Variants in PTPRN2 observed in about 807,000 individuals in gnomAD.
PTPRN2 encodes protein tyrosine phosphatase receptor type N2.
PTPRN2 carries 74 observed loss-of-function variants against 118.8 expected under a neutral mutation model. The ratio of observed to expected loss-of-function variants is 0.62; its 90% CI spans 0.52 to 0.76. The LOEUF (loss-of-function observed/expected upper bound fraction) is 0.76. Among genes scored for constraint, PTPRN2 ranks in the 30% least tolerant of loss-of-function variants. The probability of loss-of-function intolerance (pLI) is 0.00; values close to 1 mark genes in which losing one functional copy is unlikely to be tolerated. For missense variants in PTPRN2, 1,481 were observed against 1,394.4 expected, an observed-to-expected ratio of 1.06 and a Z score of -0.99; for synonymous variants, 641 against 608.0, an observed-to-expected ratio of 1.05 and a Z score of -0.80.
chr7:157,549,366 T>C (rs920838679), intron 21 of PTPRN2, among the ~76,000 whole-genome samples: 1 of 151,440 alleles, frequency 6.6e-6, no homozygotes, highest in Non-Finnish European at 1.5e-5. Flanking sequence ...TAGTACCTCA[T>C]AGGGAGCCAT....
chr7:157,564,769 C>T (rs1414153016), intron 21 of PTPRN2, among the ~76,000 whole-genome samples: 1 of 152,264 alleles, frequency 6.6e-6, no homozygotes, highest in African/African-American at 2.4e-5. Context: ...TGTAATCAAA[C>T]AGCCAAGAGA....
intron 15 of PTPRN2, 43 bp from the exon 16 acceptor site, chr7:157,604,118 C>T (rs1477430086): frequency 6.3e-7 from 1 of 1,592,058 alleles, no homozygotes; most frequent in African/African-American, 1.3e-5. Flanking sequence ...ATTGGCCCAC[C>T]CAGCAGTGTG....
In PTPRN2 at chr7:157,965,364, C is replaced by T. The variant is rs145907966; in HGVS notation, c.1724-66627G>A. On this transcript the variant is annotated intron_variant, in intron 11 of 22. Coordinates refer to ENST00000389418, the MANE Select transcript of PTPRN2 (RefSeq NM_002847.5). ...CACATAAAGAGACGGTGCCCCTCAC[C>T]AGGGTTCCTGGCTTGGACTGGACAG... Among the ~76,000 whole-genome samples the T allele has an allele frequency of 6.0e-3, 908 of 152,278 alleles. 6 individuals carry two copies. Among genetic ancestry groups the T allele is most frequent in the Middle Eastern group, 0.017 (5 of 294 alleles).
chr7:158,480,271 G>A (rs1357109994), intron 2 of PTPRN2, among the ~76,000 whole-genome samples: 2 of 152,140 alleles, frequency 1.3e-5, no homozygotes, highest in Admixed American at 6.5e-5. Flanking sequence ...CCTGAGCTGT[G>A]ATCCGTGATC....
At chr7:158,578,415 G>C (rs1015441612) in intron 1 of PTPRN2, among the ~76,000 whole-genome samples, 2 of 151,130 alleles carry the variant, frequency 1.3e-5, no homozygotes, top group Non-Finnish European at 2.9e-5. Context: ...CATACCTGTA[G>C]TATCAGCTAC....
chr7:158,384,333 C>T (rs890207671), intron 2 of PTPRN2, among the ~76,000 whole-genome samples: 2 of 152,306 alleles, frequency 1.3e-5, no homozygotes, highest in East Asian at 3.9e-4. Flanking sequence ...GAGCACAACA[C>T]AGGGCAGAAG....
chr7:157,818,220 G>A (rs1408834395), intron 12 of PTPRN2, among the ~76,000 whole-genome samples: 4 of 152,002 alleles, frequency 2.6e-5, no homozygotes, highest in Non-Finnish European at 5.9e-5. Flanking sequence ...GTGTTTGCAT[G>A]CATGTGTATG....
chr7:158,270,841 T>TCCACCTGGGCCGCCCCC (rs1161533613), intron 3 of PTPRN2, among the ~76,000 whole-genome samples: 2 of 4,588 alleles, frequency 4.4e-4, no homozygotes. Context: ...GATGACCCCC[T>TCCACCTGGGCCGCCCCC]CACCTGGACC....
rs144960933 is a variant in PTPRN2, at chr7:158,217,109, G to C, written c.278-11836C>G. 1.9e-3 allele frequency among the ~76,000 whole-genome samples: 285 copies of C among 152,274 alleles called. 2 individuals carry two copies. The highest frequency in any genetic ancestry group is 6.7e-3 in the Admixed American group (103 of 15,276). ...CACTAAATGCTTACATTAAAAAAGAGGGCCCTACTGGAGCACTTTTGCCAG... is the reference window on the plus strand; with the variant it reads ...CACTAAATGCTTACATTAAAAAAGACGGCCCTACTGGAGCACTTTTGCCAG... On this transcript the variant is annotated intron_variant, in intron 3 of 22. Coordinates refer to ENST00000389418, the MANE Select transcript of PTPRN2 (RefSeq NM_002847.5).
At chr7:157,965,120 G>A (rs1223595940) in intron 11 of PTPRN2, among the ~76,000 whole-genome samples, 1 of 152,194 alleles carries the variant, frequency 6.6e-6, no homozygotes, top group African/African-American at 2.4e-5. Flanking sequence ...ACAGGATATG[G>A]AGGTAGATTT....
At chr7:158,481,418 C>T (rs568692794) in intron 2 of PTPRN2, among the ~76,000 whole-genome samples, 15 of 152,370 alleles carry the variant, frequency 9.8e-5, no homozygotes, top group Admixed American at 9.1e-4. Flanking sequence ...GCTGACACCT[C>T]GTCCATTCTG....
chr7:158,121,301 A>T (rs1419950815), intron 9 of PTPRN2, among the ~76,000 whole-genome samples: 1 of 152,154 alleles, frequency 6.6e-6, no homozygotes, highest in Non-Finnish European at 1.5e-5. Flanking sequence ...ATCAGCAAAG[A>T]CAGAAACTGC....
At chr7:158,325,414 T>C (rs148662437) in intron 2 of PTPRN2, among the ~76,000 whole-genome samples, 2 of 152,304 alleles carry the variant, frequency 1.3e-5, no homozygotes, top group Non-Finnish European at 2.9e-5. Context: ...TAACAGGACT[T>C]GGGAATTAAT....
intron 11 of PTPRN2, among the ~76,000 whole-genome samples, chr7:157,994,381 A>G (rs542070135): frequency 6.6e-6 from 1 of 152,258 alleles, no homozygotes; most frequent in South Asian, 2.1e-4. Context: ...AGGGAAGGGA[A>G]TTTAGACAAG....
intron 1 of PTPRN2, among the ~76,000 whole-genome samples, chr7:158,518,859 C>T (rs1823768286): frequency 6.6e-6 from 1 of 152,084 alleles, no homozygotes; most frequent in Admixed American, 6.6e-5. Flanking sequence ...TTGCTGGGTG[C>T]CTGTAATCCC....
In PTPRN2 at chr7:158,407,141, CTG is replaced by C. The variant is rs1466026917; in HGVS notation, c.163+82592_163+82593del. 5.8e-4 allele frequency among the ~76,000 whole-genome samples: 84 copies of C among 144,512 alleles called. 2 individuals carry two copies. Among genetic ancestry groups the C allele is most frequent in the African/African-American group, 1.6e-3 (66 of 40,166 alleles). The allele number at this position is 144,512 out of a possible 152,430, so 94.8% of individuals were successfully genotyped here. A position where few individuals can be genotyped will look rare whatever the true frequency, so the allele number is the denominator to read the frequency against. ...CGTCCTGGGTCCTGGGTCCTGCGTC[CTG>C]CGTCCTGGGTCCTGGGTCCTGGGTC... On this transcript the variant is annotated intron_variant, in intron 2 of 22. Coordinates refer to ENST00000389418, the MANE Select transcript of PTPRN2 (RefSeq NM_002847.5).
chr7:157,803,225 A>C (rs1805427596), intron 12 of PTPRN2, among the ~76,000 whole-genome samples: 1 of 152,202 alleles, frequency 6.6e-6, no homozygotes, highest in South Asian at 2.1e-4. Flanking sequence ...TTTGCCTCCC[A>C]AAGTGCTGGG....
intron 21 of PTPRN2, among the ~76,000 whole-genome samples, chr7:157,553,201 C>T (rs1215968838): frequency 1.3e-5 from 2 of 152,210 alleles, no homozygotes; most frequent in Non-Finnish European, 2.9e-5. Context: ...TAAAGCCTCT[C>T]TCCGTTAGGT....
At chr7:158,173,890 C>T (rs533877638) in intron 5 of PTPRN2, among the ~76,000 whole-genome samples, 57 of 152,324 alleles carry the variant, frequency 3.7e-4, no homozygotes, top group South Asian at 1.0e-3. Context: ...GTTATCTTCC[C>T]TTGTTCCCTG....
Sources: gnomAD v4.1 joint callset for allele counts (sites outside exome capture counted in the v4.1 genomes callset) on GRCh38, gnomAD v4.1.1 for gene constraint, MANE v1.5 for transcripts, NCBI Gene and HGNC (gene_info 2026-07-23, HGNC 2026-07-21) for gene names.